Variants in ROS1 observed in about 807,000 individuals in gnomAD.
The protein encoded by ROS1 is ROS proto-oncogene 1, receptor tyrosine kinase, also known as proto-oncogene tyrosine-protein kinase ROS.
ROS1 carries 263 observed loss-of-function variants against 273.5 expected under a neutral mutation model. The observed-to-expected ratio is 0.96, with a 90% CI of 0.87 to 1.06. The LOEUF (loss-of-function observed/expected upper bound fraction) is 1.06. Among genes scored for constraint, ROS1 ranks in the 50% least tolerant of loss-of-function variants. ROS1 has a pLI of 0.00. For synonymous variants in ROS1, 1,008 were observed against 954.1 expected (o/e 1.06, Z -1.04); for missense variants, 2,833 against 2,751.1 (o/e 1.03, Z -0.67).
chr6:117,352,527 G>A (rs1326233354), intron 27 of ROS1, among the ~76,000 whole-genome samples: 1 of 151,978 alleles, frequency 6.6e-6, no homozygotes, highest in Non-Finnish European at 1.5e-5. Context: ...ATGTTAAATG[G>A]TACTACATAT....
At chr6:117,375,116 A>T (rs1374531840) in intron 18 of ROS1, among the ~76,000 whole-genome samples, 1 of 152,254 alleles carries the variant, frequency 6.6e-6, no homozygotes, top group East Asian at 1.9e-4. Flanking sequence ...CTCAGCCATA[A>T]AAAAGAACAA....
intron 2 of ROS1, among the ~76,000 whole-genome samples, chr6:117,417,238 C>T (rs1447446533): frequency 1.3e-5 from 2 of 152,148 alleles, no homozygotes; most frequent in Admixed American, 6.6e-5. Context: ...TTTCCATCCT[C>T]AAATTTGCTC....
At chr6:117,306,381 T>C (rs555362342) in intron 42 of ROS1, among the ~76,000 whole-genome samples, 2 of 152,180 alleles carry the variant, frequency 1.3e-5, no homozygotes, top group African/African-American at 2.4e-5. Context: ...CAGTTGCCAC[T>C]GTGATATATC....
intron 10 of ROS1, 42 bp downstream of exon 10, chr6:117,394,574 T>A (rs773593996): frequency 7.6e-5 from 112 of 1,464,128 alleles, no homozygotes; most frequent in Non-Finnish European, 9.8e-5. Flanking sequence ...TTTTAGAATC[T>A]TCTTTTCACA....
chr6:117,366,098 C>G lies in ROS1; in HGVS notation c.2775G>C (p.Gln925His). 5 of 1,614,006 alleles carry G rather than the reference C, an allele frequency of 3.1e-6. No individual in the cohort carries two copies. The highest frequency in any genetic ancestry group is 4.2e-6 in the Non-Finnish European group (5 of 1,179,876). ...PARFNQFTII[Q>H]TSLKPLPGNF... Reference sequence around the variant, plus strand: ...TACCTGGCAGGGGCTTAAGGGATGTCTGAATAATTGTGAACTGATTAAATC... The same window carrying G: ...TACCTGGCAGGGGCTTAAGGGATGTGTGAATAATTGTGAACTGATTAAATC... Residue 925 changes from glutamine (Q) to histidine (H), a missense_variant, in exon 19 of 44, where the codon CAG becomes CAC. Coordinates refer to ENST00000368507, the MANE Select transcript of ROS1 (RefSeq NM_001378902.1).
At chr6:117,409,770 C>T in intron 4 of ROS1, 128 bp from the exon 5 acceptor site, 1 of 716,046 alleles carries the variant, frequency 1.4e-6, no homozygotes, top group Non-Finnish European at 2.5e-6. Context: ...ACGAGTAAAT[C>T]TTTGAAATCG....
chr6:117,372,921 C>T (rs1316688660), intron 18 of ROS1, among the ~76,000 whole-genome samples: 1 of 152,148 alleles, frequency 6.6e-6, no homozygotes, highest in African/African-American at 2.4e-5. Flanking sequence ...GCTGATTGGC[C>T]CATTTTACAG....
intron 1 of ROS1, among the ~76,000 whole-genome samples, chr6:117,419,557 CT>C (rs1775596721): frequency 6.6e-6 from 1 of 152,112 alleles, no homozygotes; most frequent in South Asian, 2.1e-4. Flanking sequence ...AGAATTCTAT[CT>C]GTTAGATGAA....
rs1342335507 is a variant in ROS1, at chr6:117,425,564, A to G, written c.93T>C (p.Asn31=). ...TAGTTACACACGACTTTAGGCAGCT[A>G]TTTAAAACTGTACACTGCACCACAG... ...WISVVQCTVL[N]SCLKSCVTNL... is the part of the protein sequence containing the mutation. The change falls in exon 1 of 44, where the codon AAT becomes AAC. Residue 31 remains asparagine (N), a synonymous_variant. Coordinates refer to ENST00000368507, the MANE Select transcript of ROS1 (RefSeq NM_001378902.1). 1 of 1,606,546 alleles carries G rather than the reference A, an allele frequency of 6.2e-7. No individual in the cohort carries two copies. The highest frequency in any genetic ancestry group is 8.5e-7 in the Non-Finnish European group (1 of 1,177,830).
rs777349125 is a variant in ROS1 at position 117,341,340 on chromosome 6, C to G, written c.4885-29G>C. The G allele has an allele frequency of 2.5e-5, 40 of 1,612,334 alleles. No individual in the cohort carries two copies. The South Asian group carries it at 4.4e-4, about 18-fold the overall frequency. Reference sequence around the variant, plus strand: ...TTGGTAAAAAAGAACAATTGCTTAACCTTTTGAGAGCCTTGCACTTGAGAA... The same window carrying G: ...TTGGTAAAAAAGAACAATTGCTTAAGCTTTTGAGAGCCTTGCACTTGAGAA... On this transcript the variant is annotated intron_variant, in intron 30 of 43. Transcript: ENST00000368507.
In ROS1 at chr6:117,359,927, G is replaced by A. The variant is rs370524859; in HGVS notation, c.3515C>T (p.Thr1172Met). ...LDMDQNQVVW[T>M]FSAERVISAV... ...ACTGATAACTCTTTCTGCTGAAAAC[G>A]TCCACACAACTTGATTTTGATCCAT... Residue 1172 changes from threonine to methionine, a missense_variant, in exon 24 of 44, where the codon ACG becomes ATG. By Grantham distance (81) the Thr-to-Met change is moderately conservative. Transcript: ENST00000368507. 1.7e-5 allele frequency: 27 copies of A among 1,613,594 alleles called. No individual in the cohort carries two copies. Among genetic ancestry groups the A allele is most frequent in the South Asian group, 4.4e-5 (4 of 91,084 alleles).
At chr6:117,292,983 T>C (rs1773950935) in intron 43 of ROS1, among the ~76,000 whole-genome samples, 1 of 152,200 alleles carries the variant, frequency 6.6e-6, no homozygotes, top group African/African-American at 2.4e-5. Flanking sequence ...TCATGTATAA[T>C]AAACAAAGTG....
chr6:117,318,142 C>T (rs776431792), intron 38 of ROS1, 46 bp downstream of exon 38: 9 of 1,451,984 alleles, frequency 6.2e-6, no homozygotes, highest in Non-Finnish European at 3.9e-6. Context: ...GTCAAGCGGA[C>T]TTAAAACTTC....
At chr6:117,291,642 T>C (rs1011604424) in intron 43 of ROS1, among the ~76,000 whole-genome samples, 3 of 152,228 alleles carry the variant, frequency 2.0e-5, no homozygotes, top group African/African-American at 7.2e-5. Context: ...TGTAAAATGG[T>C]GATATAGTAA....
At chr6:117,366,050 G>C (rs372853366) in intron 19 of ROS1, 26 bp downstream of exon 19, 11 of 1,531,460 alleles carry the variant, frequency 7.2e-6, no homozygotes, top group African/African-American at 1.4e-5. Context: ...TAGTGGAGTA[G>C]GGTAAGCAGG....
intron 18 of ROS1, among the ~76,000 whole-genome samples, chr6:117,378,722 T>C (rs928435308): frequency 2.0e-5 from 3 of 152,106 alleles, no homozygotes; most frequent in African/African-American, 7.2e-5. Flanking sequence ...CTCTCTAATT[T>C]TCATTTAAGA....
At chr6:117,389,948 A>T (rs1323400294) in intron 12 of ROS1, 102 bp from the exon 13 acceptor site, 1 of 1,025,548 alleles carries the variant, frequency 9.8e-7, no homozygotes, top group Non-Finnish European at 1.4e-6. Context: ...AGAACTATGT[A>T]TCTCTGATGT....
intron 43 of ROS1, among the ~76,000 whole-genome samples, chr6:117,296,728 A>C (rs2128530091): frequency 6.6e-6 from 1 of 152,262 alleles, no homozygotes; most frequent in Non-Finnish European, 1.5e-5. Context: ...AATGAATAAG[A>C]CTAAATATTT....
chr6:117,424,084 T>A (rs1775959292), intron 1 of ROS1, among the ~76,000 whole-genome samples: 1 of 150,966 alleles, frequency 6.6e-6, no homozygotes, highest in Non-Finnish European at 1.5e-5. Context: ...TAAGAATAAA[T>A]AAAACGACAG....
Sources: gnomAD v4.1 joint callset for allele counts (sites outside exome capture counted in the v4.1 genomes callset) on GRCh38, gnomAD v4.1.1 for gene constraint, MANE v1.5 for transcripts, NCBI Gene and HGNC (gene_info 2026-07-23, HGNC 2026-07-21) for gene names.